Variants in CHN2 observed in about 807,000 individuals in gnomAD.
The protein encoded by CHN2 is chimerin 2, also known as beta-chimaerin.
A neutral mutation model predicts 56.3 loss-of-function variants in CHN2; 35 were observed. That is an observed-to-expected ratio of 0.62 (90% CI 0.47 to 0.82). The LOEUF is 0.82. CHN2 is among the 40% of genes least tolerant of loss of function. The probability of loss-of-function intolerance (pLI) is 0.00; values close to 1 mark genes in which losing one functional copy is unlikely to be tolerated. For missense variants in CHN2, 491 were observed against 580.5 expected (o/e 0.85, Z 1.58); for synonymous variants, 210 against 212.8 (o/e 0.99, Z 0.12).
At chr7:29,194,274 T>C (rs1584680857), upstream of CHN2, 1 of 137,856 alleles carries the variant, frequency 7.3e-6, no homozygotes, top group African/African-American at 2.8e-5. Flanking sequence ...GGCCCCGGCC[T>C]CCCCAGCACC....
intron 3 of CHN2, among the ~76,000 whole-genome samples, chr7:29,374,490 T>A (rs1322942904): frequency 6.6e-6 from 1 of 152,178 alleles, no homozygotes; most frequent in African/African-American, 2.4e-5. Flanking sequence ...CTCTTTGGAA[T>A]ACTTTGAACT....
At chr7:29,155,212 A>C (rs1258209476) in intron 2 of CHN2, among the ~76,000 whole-genome samples, 1 of 152,152 alleles carries the variant, frequency 6.6e-6, no homozygotes, top group Non-Finnish European at 1.5e-5. Context: ...AAATAAATGA[A>C]AATAAAGAAG....
intron 1 of CHN2, among the ~76,000 whole-genome samples, chr7:29,263,408 C>T (rs1482851216): frequency 6.6e-6 from 1 of 152,204 alleles, no homozygotes; most frequent in Non-Finnish European, 1.5e-5. Context: ...CCTGCCTTGG[C>T]CTCCCAAGGT....
At chr7:29,438,644 G>A (rs1187454470) in intron 6 of CHN2, among the ~76,000 whole-genome samples, 1 of 152,142 alleles carries the variant, frequency 6.6e-6, no homozygotes, top group Non-Finnish European at 1.5e-5. Flanking sequence ...AAGATGGATA[G>A]CCAGTGTAAC....
intron 6 of CHN2, among the ~76,000 whole-genome samples, chr7:29,406,805 A>G (rs1261012605): frequency 6.6e-6 from 1 of 152,108 alleles, no homozygotes; most frequent in Non-Finnish European, 1.5e-5. Flanking sequence ...GCATTTAAAA[A>G]TCTGTGGTTT....
At chr7:29,319,113 G>C (rs555170642) in intron 1 of CHN2, among the ~76,000 whole-genome samples, 1 of 152,270 alleles carries the variant, frequency 6.6e-6, no homozygotes, top group South Asian at 2.1e-4. Context: ...ACATGGTTTC[G>C]TGCATAAACA....
rs1394038876 is a variant in CHN2 at position 29,442,248 on chromosome 7, G to A, written c.577-38031G>A. Among the ~76,000 whole-genome samples, 6 of 152,214 alleles carry A rather than the reference G, an allele frequency of 3.9e-5. No homozygotes were observed. In the South Asian group the frequency reaches 1.2e-3, roughly 32 times the overall value. On this transcript the variant is annotated intron_variant, in intron 6 of 12. Coordinates refer to ENST00000222792, the MANE Select transcript of CHN2 (RefSeq NM_004067.4). ...GAAGTGGCTCAGAAGCCACAGGAAG[G>A]GTATTAGTTGTAACTCCCCATCAGG...
chr7:29,213,282 TC>T, intron 1 of CHN2: 1 of 815,648 alleles, frequency 1.2e-6, no homozygotes, highest in Non-Finnish European at 2.1e-6. Flanking sequence ...TCTCCCCTCC[TC>T]CCCTCCCTGA....
chr7:29,179,665 T>C (rs1329934273), intron 2 of CHN2, among the ~76,000 whole-genome samples: 1 of 152,244 alleles, frequency 6.6e-6, no homozygotes, highest in African/African-American at 2.4e-5. Flanking sequence ...TTTTTCTAAG[T>C]AGAGAAACCA....
intron 6 of CHN2, among the ~76,000 whole-genome samples, chr7:29,458,401 A>T (rs949904997): frequency 2.6e-5 from 4 of 152,004 alleles, no homozygotes; most frequent in African/African-American, 4.8e-5. Flanking sequence ...ACACACACAC[A>T]CACACACACA....
At chr7:29,473,290 A>G (rs921888576) in intron 6 of CHN2, among the ~76,000 whole-genome samples, 3 of 152,164 alleles carry the variant, frequency 2.0e-5, no homozygotes, top group African/African-American at 7.2e-5. Context: ...TCATACTTTC[A>G]TCTTTTCTGG....
At chr7:29,440,885 C>G (rs1783598049) in intron 6 of CHN2, among the ~76,000 whole-genome samples, 1 of 151,768 alleles carries the variant, frequency 6.6e-6, no homozygotes, top group Admixed American at 6.6e-5. Context: ...CATTTTTTGA[C>G]TTGAAAGATA....
At chr7:29,482,498 A>G (rs972594067) in intron 7 of CHN2, among the ~76,000 whole-genome samples, 1 of 152,152 alleles carries the variant, frequency 6.6e-6, no homozygotes, top group African/African-American at 2.4e-5. Flanking sequence ...CAGGCTATAA[A>G]TACAGTGGCA....
intron 1 of CHN2, among the ~76,000 whole-genome samples, chr7:29,341,385 C>G (rs926363248): frequency 6.6e-6 from 1 of 152,162 alleles, no homozygotes. Context: ...ATTAACCGCA[C>G]CAATTGTTAT....
chr7:29,266,404 T>A (rs1790149322), intron 1 of CHN2, among the ~76,000 whole-genome samples: 1 of 152,186 alleles, frequency 6.6e-6, no homozygotes. Flanking sequence ...AACCACAGAC[T>A]AACCATCTTT....
chr7:29,479,995 A>G (rs1786972203), intron 6 of CHN2: 3 of 1,484,058 alleles, frequency 2.0e-6, no homozygotes, highest in Non-Finnish European at 1.8e-6. Context: ...TGCTGCAGAC[A>G]GGACCCAGCT....
intron 1 of CHN2, among the ~76,000 whole-genome samples, chr7:29,262,586 T>C (rs775909307): frequency 5.9e-5 from 9 of 152,240 alleles, no homozygotes; most frequent in Non-Finnish European, 1.2e-4. Flanking sequence ...CCTTTTCTTC[T>C]TTAACTAATT....
At chr7:29,299,086 G>A (rs1313526758) in intron 1 of CHN2, among the ~76,000 whole-genome samples, 1 of 152,196 alleles carries the variant, frequency 6.6e-6, no homozygotes, top group African/African-American at 2.4e-5. Flanking sequence ...CTGCTAGCTG[G>A]CTTCCTGCCT....
At chr7:29,296,913 T>TGGC (rs1793208792) in intron 1 of CHN2, among the ~76,000 whole-genome samples, 1 of 152,174 alleles carries the variant, frequency 6.6e-6, no homozygotes, top group Admixed American at 6.5e-5. Context: ...GACAGGATCC[T>TGGC]GGCTGGAGGG....
Sources: allele counts gnomAD v4.1 joint callset (sites outside exome capture counted in the v4.1 genomes callset), GRCh38; gene constraint gnomAD v4.1.1; transcripts MANE v1.5; gene names NCBI Gene and HGNC (gene_info 2026-07-23, HGNC 2026-07-21).